BBS9: variants seen among roughly 807,000 people sequenced by gnomAD.
BBS9 encodes Bardet-Biedl syndrome 9.
BBS9 carries 89 observed loss-of-function variants against 117.7 expected under a neutral mutation model. The ratio of observed to expected loss-of-function variants is 0.76; its 90% CI spans 0.64 to 0.90. The LOEUF (loss-of-function observed/expected upper bound fraction) is 0.90, where lower values mean the gene tolerates loss of function less well. BBS9 is among the 40% of genes least tolerant of loss of function. The pLI is 0.00. For synonymous variants in BBS9, 379 were observed against 370.9 expected (o/e 1.02, Z -0.25); for missense variants, 982 against 1,042.2 (o/e 0.94, Z 0.80).
At chr7:33,419,207 A>C (rs1353375171) in intron 19 of BBS9, among the ~76,000 whole-genome samples, 1 of 152,116 alleles carries the variant, frequency 6.6e-6, no homozygotes, top group Non-Finnish European at 1.5e-5. Flanking sequence ...TTATTTCAGG[A>C]TTGTGACAAT....
chr7:33,251,337 A>G (rs1479594823), intron 5 of BBS9, among the ~76,000 whole-genome samples: 1 of 152,102 alleles, frequency 6.6e-6, no homozygotes, highest in Non-Finnish European at 1.5e-5. Flanking sequence ...TTTTTCTCTC[A>G]TTGGCTGTAA....
chr7:33,143,465 T>C lies in BBS9; in HGVS notation c.-11-2777T>C, dbSNP rs1010616668. On this transcript the variant is annotated intron_variant, in intron 1 of 22. Transcript: ENST00000242067. ...GTTTTTTTTGATAATGGATGTGAGGTGATATTGTTTTGATATGCAAATCAA... is the reference window on the plus strand; with the variant it reads ...GTTTTTTTTGATAATGGATGTGAGGCGATATTGTTTTGATATGCAAATCAA... 5.3e-5 allele frequency among the ~76,000 whole-genome samples: 8 copies of C among 152,254 alleles called. No individual in the cohort carries two copies. In the East Asian group the frequency reaches 1.4e-3, roughly 26 times the overall value.
chr7:33,226,493 A>G (rs1791298993), intron 5 of BBS9, among the ~76,000 whole-genome samples: 1 of 152,196 alleles, frequency 6.6e-6, no homozygotes, highest in African/African-American at 2.4e-5. Context: ...GCTAGAATTA[A>G]TACTCAAAAC....
At chr7:33,632,931 A>G (rs1490379761) in intron 21 of BBS9, among the ~76,000 whole-genome samples, 2 of 152,146 alleles carry the variant, frequency 1.3e-5, no homozygotes, top group African/African-American at 2.4e-5. Context: ...GCCTTAAGGA[A>G]GAATTTCTTT....
chr7:33,306,458 G>A (rs569378712), intron 9 of BBS9, among the ~76,000 whole-genome samples: 1 of 152,144 alleles, frequency 6.6e-6, no homozygotes, highest in African/African-American at 2.4e-5. Context: ...CGGAAAATAT[G>A]AAACTTTATG....
intron 5 of BBS9, among the ~76,000 whole-genome samples, chr7:33,246,588 T>C (rs901067821): frequency 1.1e-4 from 16 of 152,296 alleles, no homozygotes; most frequent in African/African-American, 3.8e-4. Context: ...GTAGTTTACC[T>C]TAGTTTGAAA....
At chr7:33,521,897 TC>T (rs1485779682) in intron 20 of BBS9, among the ~76,000 whole-genome samples, 1 of 63,050 alleles carries the variant, frequency 1.6e-5, no homozygotes, top group Non-Finnish European at 2.9e-5. Context: ...CCCTCCCCCC[TC>T]CCCCCACCCC....
chr7:33,373,242 G>A (rs959080480), intron 17 of BBS9, among the ~76,000 whole-genome samples: 3 of 152,114 alleles, frequency 2.0e-5, no homozygotes, highest in African/African-American at 7.2e-5. Context: ...AAAAAAACAA[G>A]TTACTCAAGA....
intron 21 of BBS9, among the ~76,000 whole-genome samples, chr7:33,536,082 AAAG>A (rs1563322371): frequency 6.6e-6 from 1 of 152,182 alleles, no homozygotes; most frequent in Non-Finnish European, 1.5e-5. Context: ...GAAAGAAGGA[AAAG>A]AAGGAAGGGA....
At chr7:33,174,092 C>T (rs1175647994) in intron 4 of BBS9, among the ~76,000 whole-genome samples, 1 of 152,202 alleles carries the variant, frequency 6.6e-6, no homozygotes, top group Non-Finnish European at 1.5e-5. Context: ...TAGATCCAGT[C>T]TGATCCTAGA....
At chr7:33,459,952 A>G (rs900894556) in intron 19 of BBS9, among the ~76,000 whole-genome samples, 1 of 152,192 alleles carries the variant, frequency 6.6e-6, no homozygotes. Flanking sequence ...ATGAATCTTT[A>G]TAAGTTAAAT....
chr7:33,514,716 C>T (rs373303342), intron 20 of BBS9, among the ~76,000 whole-genome samples: 18 of 152,106 alleles, frequency 1.2e-4, no homozygotes, highest in African/African-American at 1.7e-4. Flanking sequence ...CTAAAAATGG[C>T]GTTGCTTGTT....
chr7:33,161,344 C>T (rs563742907), intron 4 of BBS9, among the ~76,000 whole-genome samples: 1 of 152,240 alleles, frequency 6.6e-6, no homozygotes, highest in Non-Finnish European at 1.5e-5. Flanking sequence ...TTGTTCAGTT[C>T]CCACCTATGA....
chr7:33,504,557 T>C (rs1192356974), intron 19 of BBS9, among the ~76,000 whole-genome samples: 2 of 152,096 alleles, frequency 1.3e-5, no homozygotes, highest in African/African-American at 4.8e-5. Context: ...TGGTGGGGGC[T>C]TGTAGAAAGG....
At chr7:33,416,709 T>G (rs540826963) in intron 19 of BBS9, among the ~76,000 whole-genome samples, 1 of 152,282 alleles carries the variant, frequency 6.6e-6, no homozygotes, top group Non-Finnish European at 1.5e-5. Flanking sequence ...GAGTCTATAA[T>G]CTATGGGGTT....
chr7:33,238,219 A>C (rs1042259151), intron 5 of BBS9, among the ~76,000 whole-genome samples: 3 of 152,198 alleles, frequency 2.0e-5, no homozygotes, highest in African/African-American at 7.2e-5. Flanking sequence ...AACTTTGATC[A>C]TCATGTCCCA....
At position 33,453,745 on chromosome 7, in the gene BBS9, C is replaced by A. The variant is rs1009099967; in HGVS notation, c.2116-51718C>A. ...ATGTTGGCCAGGCTGATCTCCAACTCCCGACCTCAGGTGATCTGCCTGCCT... is the reference window on the plus strand; with the variant it reads ...ATGTTGGCCAGGCTGATCTCCAACTACCGACCTCAGGTGATCTGCCTGCCT... On this transcript the variant is annotated intron_variant, in intron 19 of 22. Coordinates refer to ENST00000242067, the MANE Select transcript of BBS9 (RefSeq NM_198428.3). Among the ~76,000 whole-genome samples, 98 of 152,160 alleles carry A rather than the reference C, an allele frequency of 6.4e-4. 3 individuals carry two copies. The highest frequency in any genetic ancestry group is 1.3e-4 in the Non-Finnish European group (9 of 68,030).
chr7:33,430,010 T>TA (rs1834204181), intron 19 of BBS9, among the ~76,000 whole-genome samples: 1 of 152,082 alleles, frequency 6.6e-6, no homozygotes, highest in Non-Finnish European at 1.5e-5. Context: ...CAGGTCGATT[T>TA]AAAAAAATTG....
intron 5 of BBS9, among the ~76,000 whole-genome samples, chr7:33,207,450 C>T (rs1787137572): frequency 6.6e-6 from 1 of 151,404 alleles, no homozygotes; most frequent in Non-Finnish European, 1.5e-5. Flanking sequence ...CAATACTGAA[C>T]CTAATAATTT....
Sources: allele counts gnomAD v4.1 joint callset (sites outside exome capture counted in the v4.1 genomes callset), GRCh38; gene constraint gnomAD v4.1.1; transcripts MANE v1.5; gene names NCBI Gene and HGNC (gene_info 2026-07-23, HGNC 2026-07-21).